The following CHD9 variants were observed in gnomAD, a reference collection of about 807,000 sequenced individuals.
CHD9 encodes chromodomain helicase DNA binding protein 9.
CHD9 carries 77 observed loss-of-function variants against 316.1 expected under a neutral mutation model. The observed-to-expected ratio is 0.24, with a 90% CI of 0.20 to 0.29. CHD9 has a LOEUF of 0.29. Among genes scored for constraint, CHD9 ranks in the 10% least tolerant of loss-of-function variants. CHD9 has a pLI of 1.00. For synonymous variants in CHD9, 1,129 were observed against 1,158.3 expected (o/e 0.97, Z 0.51); for missense variants, 2,763 against 3,438.1 (o/e 0.80, Z 4.91).
intron 1 of CHD9, among the ~76,000 whole-genome samples, chr16:53,060,477 GC>G (rs1440389214): frequency 2.0e-5 from 3 of 152,076 alleles, no homozygotes; most frequent in Non-Finnish European, 4.4e-5. Flanking sequence ...ATTAGCTGGG[GC>G]CTGGATTGGT....
chr16:53,304,219 A>T lies in CHD9; in HGVS notation c.6213A>T (p.Thr2071=). The change falls in exon 31 of 39, where the codon ACA becomes ACT. Residue 2071 remains threonine, a synonymous_variant. Coordinates refer to ENST00000447540, the MANE Select transcript of CHD9 (RefSeq NM_001308319.2). Reference sequence around the variant, plus strand: ...CTATGTCTTCTGTGGAAACCAGGACACTAATAAAATCTGAGCCTGTAAGTC... The same window carrying T: ...CTATGTCTTCTGTGGAAACCAGGACTCTAATAAAATCTGAGCCTGTAAGTC... ...EESMSSVETR[T]LIKSEPVSPK... The T allele has an allele frequency of 4.3e-6, 7 of 1,611,216 alleles. No homozygotes were observed. Among genetic ancestry groups the T allele is most frequent in the Non-Finnish European group, 5.1e-6 (6 of 1,178,594 alleles).
At chr16:53,267,833 A>G (rs1209137067) in intron 21 of CHD9, 94 bp from the exon 22 acceptor site, 8 of 1,140,144 alleles carry the variant, frequency 7.0e-6, no homozygotes, top group Non-Finnish European at 8.8e-6. Context: ...AAAAATGACA[A>G]TTTTTTAAAG....
chr16:53,323,709 G>A (rs1415046900), intron 38 of CHD9, among the ~76,000 whole-genome samples: 2 of 152,048 alleles, frequency 1.3e-5, no homozygotes, highest in Non-Finnish European at 2.9e-5. Context: ...GGTTATGGAA[G>A]TACCCATGAA....
At chr16:53,159,573 A>C (rs1455624498) in intron 2 of CHD9, among the ~76,000 whole-genome samples, 1 of 152,044 alleles carries the variant, frequency 6.6e-6, no homozygotes, top group Non-Finnish European at 1.5e-5. Context: ...AAAAAGAAAA[A>C]ATCTTTGTCT....
At chr16:53,075,045 C>T (rs2034405143) in intron 1 of CHD9, among the ~76,000 whole-genome samples, 1 of 152,178 alleles carries the variant, frequency 6.6e-6, no homozygotes, top group South Asian at 2.1e-4. Flanking sequence ...CAGAGCTGCC[C>T]AAGGCCACAG....
rs192660930 is a variant in CHD9 at position 53,102,538 on chromosome 16, C to A, written c.-165+47461C>A. ...CTCTTCTGAACTGTGACACTCTATACCCACAATAAATATTTTTTTAATAGA... is the reference window on the plus strand; with the variant it reads ...CTCTTCTGAACTGTGACACTCTATAACCACAATAAATATTTTTTTAATAGA... On this transcript the variant is annotated intron_variant, in intron 1 of 38. Coordinates refer to ENST00000447540, the MANE Select transcript of CHD9 (RefSeq NM_001308319.2). Among the ~76,000 whole-genome samples, 5 of 152,114 alleles carry A rather than the reference C, an allele frequency of 3.3e-5. No individual in the cohort carries two copies. The East Asian group carries it at 9.7e-4, about 29-fold the overall frequency.
Position 53,146,223 on chromosome 16 carries a change from T to TA in CHD9, c.-164-9683dup, listed in dbSNP as rs776269746. ...CAAAATGGTGAAACCCCGTCTCTAC[T>TA]AAAAAAAAAAAAAAAAAAAATTAGT... On this transcript the variant is annotated intron_variant, in intron 1 of 38. Coordinates refer to ENST00000447540, the MANE Select transcript of CHD9 (RefSeq NM_001308319.2). 5.7e-3 allele frequency among the ~76,000 whole-genome samples: 557 copies of TA among 97,956 alleles called. 4 individuals are homozygous for TA. The highest frequency in any genetic ancestry group is 0.013 in the South Asian group (39 of 2,948). The allele number at this position is 97,956 out of a possible 152,430, so 64.3% of individuals were successfully genotyped here. A position where few individuals can be genotyped will look rare whatever the true frequency, so the allele number is the denominator to read the frequency against.
At chr16:53,248,110 A>T (rs1009141936) in intron 16 of CHD9, 4 of 151,948 alleles carry the variant, frequency 2.6e-5, no homozygotes, top group Admixed American at 2.6e-4. Context: ...GCGGATCATG[A>T]GGTCAGGAGA....
chr16:53,238,360 C>T lies in CHD9; in HGVS notation c.2651C>T (p.Ala884Val). ...NWYNRRNCILADEMGLGKTIQ... is the reference protein window; with the variant it reads ...NWYNRRNCILVDEMGLGKTIQ... ...TATTTCAGACGAAACTGCATCTTAG[C>T]AGATGAAATGGGTCTTGGCAAAACT... Residue 884 changes from alanine (A) to valine (V), a missense_variant, in exon 12 of 39, where the codon GCA (alanine) becomes GTA (valine). Coordinates refer to ENST00000447540, the MANE Select transcript of CHD9 (RefSeq NM_001308319.2). 1 of 1,611,784 alleles carries T rather than the reference C, an allele frequency of 6.2e-7. No individual in the cohort carries two copies. Among genetic ancestry groups the T allele is most frequent in the Non-Finnish European group, 8.5e-7 (1 of 1,178,610 alleles).
At chr16:53,115,788 T>C (rs1043718715) in intron 1 of CHD9, among the ~76,000 whole-genome samples, 5 of 152,086 alleles carry the variant, frequency 3.3e-5, no homozygotes, top group African/African-American at 1.2e-4. Context: ...AAAAAGTAAA[T>C]ATATAAACAG....
chr16:53,135,047 CAGTT>C lies in CHD9; in HGVS notation c.-164-20878_-164-20875del, dbSNP rs568566277. 3.0e-4 allele frequency among the ~76,000 whole-genome samples: 46 copies of C among 152,234 alleles called. No homozygotes were observed. The South Asian group carries it at 8.1e-3, about 27-fold the overall frequency. On this transcript the variant is annotated intron_variant, in intron 1 of 38. Coordinates refer to ENST00000447540, the MANE Select transcript of CHD9 (RefSeq NM_001308319.2). The stretch of plus-strand genomic sequence containing the variant: ...TTGTATTCTCAGAGAAGGCTTCCCT[CAGTT>C]GGTGATTCTAAGTGGAAACAGAATA...
At chr16:53,111,467 T>C (rs187882444) in intron 1 of CHD9, among the ~76,000 whole-genome samples, 116 of 152,370 alleles carry the variant, frequency 7.6e-4, no homozygotes, top group Middle Eastern at 3.4e-3. Flanking sequence ...TGATCAGCTC[T>C]AGTATACGGT....
chr16:53,229,968 G>A (rs534633388), intron 8 of CHD9, among the ~76,000 whole-genome samples: 1 of 152,292 alleles, frequency 6.6e-6, no homozygotes, highest in Admixed American at 6.5e-5. Flanking sequence ...ATGTGTGTGT[G>A]TGTGTTTATT....
chr16:53,267,854 C>A (rs1277104751), intron 21 of CHD9, 73 bp from the exon 22 acceptor site: 6 of 1,352,352 alleles, frequency 4.4e-6, no homozygotes, highest in Non-Finnish European at 6.2e-6. Context: ...TTTTTCATTC[C>A]TTTTATCTAT....
At chr16:53,211,524 A>AT (rs970191173) in intron 3 of CHD9, among the ~76,000 whole-genome samples, 16 of 151,790 alleles carry the variant, frequency 1.1e-4, no homozygotes, top group African/African-American at 1.5e-4. Context: ...TGTACTAGAA[A>AT]TTTTTTTTTG....
At chr16:53,218,625 C>T (rs113493623) in intron 3 of CHD9, among the ~76,000 whole-genome samples, 4,939 of 152,090 alleles carry the variant, frequency 0.032, 102 homozygotes, top group Middle Eastern at 0.071. Context: ...TAAATATCTC[C>T]GCCTCTCATT....
At chr16:53,057,935 A>G (rs1183803460) in intron 1 of CHD9, among the ~76,000 whole-genome samples, 1 of 152,090 alleles carries the variant, frequency 6.6e-6, no homozygotes, top group East Asian at 1.9e-4. Flanking sequence ...AATGGCCCCA[A>G]GTGTACAGTT....
In CHD9 at chr16:53,287,980, A is replaced by T; in HGVS notation, c.5213A>T (p.Lys1738Ile). The change falls in exon 27 of 39, where the codon AAA becomes ATA. Residue 1738 changes from lysine (K) to isoleucine (I), a missense_variant. Physicochemically the swap from Lys to Ile is moderately radical, Grantham distance 102 (BLOSUM62 -3). This residue lies in a region of CHD9 where 183 missense variants were observed against 258.5 expected (regional missense o/e 0.71). Coordinates refer to ENST00000447540, the MANE Select transcript of CHD9 (RefSeq NM_001308319.2). ...AGGGATGTGGAAGATCCAGAATACA[A>T]ACCTGCCCCAGCCATCTTTAAAGAT... Reference protein sequence around the residue: ...MDGDVEDPEYKPAPAIFKDDI... With the variant: ...MDGDVEDPEYIPAPAIFKDDI... The T allele has an allele frequency of 6.2e-7, 1 of 1,611,514 alleles. No homozygotes were observed. Among genetic ancestry groups the T allele is most frequent in the Non-Finnish European group, 8.5e-7 (1 of 1,177,612 alleles).
intron 30 of CHD9, chr16:53,299,489 T>G (rs867065860): frequency 7.2e-6 from 2 of 277,422 alleles, no homozygotes; most frequent in Middle Eastern, 6.8e-4. Flanking sequence ...GTCTGCGCTC[T>G]GCAGCAGCCA....
Sources: gnomAD v4.1 joint callset for allele counts (sites outside exome capture counted in the v4.1 genomes callset) on GRCh38, gnomAD v4.1.1 for gene constraint, gnomAD v4.1.1 regional missense constraint, MANE v1.5 for transcripts, NCBI Gene and HGNC (gene_info 2026-07-23, HGNC 2026-07-21) for gene names.